FAM135B: variants seen among roughly 807,000 people sequenced by gnomAD.
The protein encoded by FAM135B is protein FAM135B.
FAM135B carries 43 observed loss-of-function variants against 127.7 expected under a neutral mutation model. The observed-to-expected ratio is 0.34, with a 90% CI of 0.26 to 0.43. The LOEUF (loss-of-function observed/expected upper bound fraction) is 0.43, where lower values mean the gene tolerates loss of function less well. Ranked by LOEUF, FAM135B falls within the 20% of genes least tolerant of loss-of-function variation. The pLI, the probability that FAM135B is intolerant of heterozygous loss-of-function variation, is 1.00. For missense variants in FAM135B, 1,558 were observed against 1,725.6 expected, an observed-to-expected ratio of 0.90 and a Z score of 1.72; for synonymous variants, 670 against 665.1, an observed-to-expected ratio of 1.01 and a Z score of -0.11.
chr8:138,343,096 A>G (rs1234707894), intron 2 of FAM135B, among the ~76,000 whole-genome samples: 1 of 152,266 alleles, frequency 6.6e-6, no homozygotes, highest in Non-Finnish European at 1.5e-5. Flanking sequence ...TCCCATGACG[A>G]ATAGTTGAAG....
At chr8:138,160,509 C>T (rs1347805367) in intron 12 of FAM135B, among the ~76,000 whole-genome samples, 2 of 152,058 alleles carry the variant, frequency 1.3e-5, no homozygotes, top group African/African-American at 4.8e-5. Flanking sequence ...CTGTCTCAGC[C>T]TCCCAAGTAG....
Position 138,168,127 on chromosome 8 carries a change from G to A in FAM135B, c.1104-78C>T, listed in dbSNP as rs573520420. 5.9e-5 allele frequency: 87 copies of A among 1,463,142 alleles called. 2 individuals are homozygous for A. In the Middle Eastern group the frequency reaches 1.2e-3, roughly 20 times the overall value. 90.6% of individuals were successfully genotyped at this position (1,463,142 alleles called of 1,614,324 possible). On this transcript the variant is annotated intron_variant, in intron 11 of 19. Coordinates refer to ENST00000395297, the MANE Select transcript of FAM135B (RefSeq NM_015912.4). ...ACCGTTGCCCCCTCTTCCTAATCCC[G>A]GGAAAATACTCGGTTCTCAGCTGAC...
rs776098318 is a variant in FAM135B, at chr8:138,165,663, C to T, written c.1258+2232G>A. On this transcript the variant is annotated intron_variant, in intron 12 of 19. Transcript: ENST00000395297. The stretch of plus-strand genomic sequence containing the variant: ...AAATCATGTAACTCTAATGAAGATG[C>T]ACTTACATATTAATATACATGCATA... Among the ~76,000 whole-genome samples, 39 of 152,112 alleles carry T rather than the reference C, an allele frequency of 2.6e-4. 1 individual carries two copies. The highest frequency in any genetic ancestry group is 1.6e-4 in the Non-Finnish European group (11 of 68,020).
chr8:138,325,530 T>A (rs956579565), intron 2 of FAM135B, among the ~76,000 whole-genome samples: 1 of 152,136 alleles, frequency 6.6e-6, no homozygotes, highest in Non-Finnish European at 1.5e-5. Context: ...AAAATTACTG[T>A]TGGGTTGGAC....
chr8:138,380,192 T>C (rs947112628), intron 1 of FAM135B, among the ~76,000 whole-genome samples: 6 of 151,748 alleles, frequency 4.0e-5, no homozygotes, highest in Non-Finnish European at 7.4e-5. Context: ...TTTTCTTTTC[T>C]TTTCTTTCTT....
intron 1 of FAM135B, among the ~76,000 whole-genome samples, chr8:138,406,563 G>A (rs1267990790): frequency 6.6e-6 from 1 of 152,046 alleles, no homozygotes; most frequent in Admixed American, 6.6e-5. Context: ...TATCCACCAT[G>A]ATCAAGTGGG....
At chr8:138,180,014 T>C (rs1325897988) in intron 9 of FAM135B, among the ~76,000 whole-genome samples, 1 of 152,174 alleles carries the variant, frequency 6.6e-6, no homozygotes, top group Non-Finnish European at 1.5e-5. Context: ...TTACATTAAC[T>C]AAAATGTAGA....
intron 3 of FAM135B, among the ~76,000 whole-genome samples, chr8:138,310,097 C>T (rs1826563745): frequency 6.6e-6 from 1 of 152,072 alleles, no homozygotes; most frequent in Admixed American, 6.6e-5. Context: ...TCTCAAACTC[C>T]TGACCTCAGG....
chr8:138,302,356 G>A (rs1825950066), intron 3 of FAM135B, among the ~76,000 whole-genome samples: 1 of 152,124 alleles, frequency 6.6e-6, no homozygotes, highest in South Asian at 2.1e-4. Flanking sequence ...ATGCTTCAGG[G>A]GCCCTCCACT....
At chr8:138,196,434 T>C (rs1816632672) in intron 8 of FAM135B, among the ~76,000 whole-genome samples, 1 of 152,224 alleles carries the variant, frequency 6.6e-6, no homozygotes, top group Non-Finnish European at 1.5e-5. Flanking sequence ...ACTATAACCC[T>C]GTACCTACTC....
At chr8:138,205,091 A>G (rs1817453143) in intron 7 of FAM135B, among the ~76,000 whole-genome samples, 1 of 152,218 alleles carries the variant, frequency 6.6e-6, no homozygotes, top group South Asian at 2.1e-4. Context: ...TTCACTGATA[A>G]GAAAACAGTA....
chr8:138,206,008 T>C (rs1817523747), intron 7 of FAM135B, among the ~76,000 whole-genome samples: 1 of 148,434 alleles, frequency 6.7e-6, no homozygotes, highest in Non-Finnish European at 1.5e-5. Flanking sequence ...CCTCGACCTA[T>C]GCAAGACTCC....
intron 7 of FAM135B, among the ~76,000 whole-genome samples, chr8:138,213,783 C>A (rs1240940892): frequency 6.6e-6 from 1 of 152,114 alleles, no homozygotes. Flanking sequence ...AGAGGGGAAG[C>A]AGCAAGCTCC....
chr8:138,229,730 C>G (rs1819767749), intron 7 of FAM135B, among the ~76,000 whole-genome samples: 1 of 152,220 alleles, frequency 6.6e-6, no homozygotes, highest in East Asian at 1.9e-4. Flanking sequence ...TAATTGACTC[C>G]CAGTTTCACA....
At chr8:138,456,509 G>T (rs1002573593) in intron 1 of FAM135B, among the ~76,000 whole-genome samples, 1 of 152,104 alleles carries the variant, frequency 6.6e-6, no homozygotes, top group Admixed American at 6.6e-5. Context: ...TCCCAGCCTA[G>T]GGAGAAGGCA....
rs1257873885 is a variant in FAM135B at position 138,221,583 on chromosome 8, G to A, written c.669+21359C>T. Among the ~76,000 whole-genome samples, 4 of 152,164 alleles carry A rather than the reference G, an allele frequency of 2.6e-5. No homozygotes were observed. In the East Asian group the frequency reaches 5.8e-4, roughly 22 times the overall value. On this transcript the variant is annotated intron_variant, in intron 7 of 19. Coordinates refer to ENST00000395297, the MANE Select transcript of FAM135B (RefSeq NM_015912.4). Reference sequence around the variant, plus strand: ...TCACAGGACAGAGTACTGAATAGGAGAGCCAAGGAAACAATTCCCAGAGCT... The same window carrying A: ...TCACAGGACAGAGTACTGAATAGGAAAGCCAAGGAAACAATTCCCAGAGCT...
intron 3 of FAM135B, among the ~76,000 whole-genome samples, chr8:138,307,413 C>T (rs1463261256): frequency 6.6e-6 from 1 of 152,074 alleles, no homozygotes; most frequent in Non-Finnish European, 1.5e-5. Context: ...TTATCAGCAG[C>T]ATGAAAACAG....
At chr8:138,343,705 C>T (rs751127734) in intron 2 of FAM135B, among the ~76,000 whole-genome samples, 2 of 152,198 alleles carry the variant, frequency 1.3e-5, no homozygotes, top group Non-Finnish European at 2.9e-5. Flanking sequence ...TCCATCACCT[C>T]CCAAACGTGT....
intron 1 of FAM135B, among the ~76,000 whole-genome samples, chr8:138,411,681 C>T (rs1025898014): frequency 6.6e-6 from 1 of 152,022 alleles, no homozygotes; most frequent in African/African-American, 2.4e-5. Context: ...AAAGAAACTA[C>T]CATCAGAGTG....
Sources: gnomAD v4.1 joint callset for allele counts (sites outside exome capture counted in the v4.1 genomes callset) on GRCh38, gnomAD v4.1.1 for gene constraint, MANE v1.5 for transcripts, NCBI Gene and HGNC (gene_info 2026-07-23, HGNC 2026-07-21) for gene names.